SMPD3: variants seen among roughly 807,000 people sequenced by gnomAD.
SMPD3 encodes the protein sphingomyelin phosphodiesterase 3.
Under a neutral mutation model 55.7 loss-of-function variants are expected in SMPD3, and 21 were observed. The observed-to-expected ratio is 0.38, with a 90% CI of 0.27 to 0.54. The LOEUF (loss-of-function observed/expected upper bound fraction) is 0.54. Ranked by LOEUF, SMPD3 falls within the 20% of genes least tolerant of loss-of-function variation. The pLI is 0.80. For missense variants in SMPD3, 842 were observed against 899.6 expected, an observed-to-expected ratio of 0.94 and a Z score of 0.82; for synonymous variants, 457 against 404.3, an observed-to-expected ratio of 1.13 and a Z score of -1.56.
chr16:68,376,977 C>T (rs2089832590), intron 2 of SMPD3, among the ~76,000 whole-genome samples: 1 of 152,212 alleles, frequency 6.6e-6, no homozygotes, highest in Non-Finnish European at 1.5e-5. Context: ...CTACCCGCTC[C>T]TGGTAGGACC....
chr16:68,439,906 G>A (rs1284453721), intron 1 of SMPD3, among the ~76,000 whole-genome samples: 2 of 152,218 alleles, frequency 1.3e-5, no homozygotes, highest in East Asian at 3.8e-4. Context: ...GTAAAGTGCT[G>A]TAAACACCGA....
At chr16:68,407,132 G>C (rs2090261036) in intron 1 of SMPD3, among the ~76,000 whole-genome samples, 1 of 152,122 alleles carries the variant, frequency 6.6e-6, no homozygotes, top group Non-Finnish European at 1.5e-5. Flanking sequence ...GAACATTTGA[G>C]GGCTGTGTCC....
At chr16:68,396,796 T>C (rs1177863863) in intron 1 of SMPD3, among the ~76,000 whole-genome samples, 1 of 152,224 alleles carries the variant, frequency 6.6e-6, no homozygotes, top group African/African-American at 2.4e-5. Flanking sequence ...GGCTACTTTG[T>C]GGTAAAACAA....
Position 68,396,777 on chromosome 16 carries a change from C to A in SMPD3, c.-268-10118G>T, listed in dbSNP as rs533243606. Among the ~76,000 whole-genome samples, 19 of 152,330 alleles carry A rather than the reference C, an allele frequency of 1.2e-4. No homozygotes were observed. The South Asian group carries it at 3.1e-3, about 25-fold the overall frequency. On this transcript the variant is annotated intron_variant, in intron 1 of 8. Transcript: ENST00000219334. ...CTGCTCCCAATTGTTTGAATTATTG[C>A]CTCAATGAGGCTACTTTGTGGTAAA...
chr16:68,403,756 G>A (rs2152013466), intron 1 of SMPD3, among the ~76,000 whole-genome samples: 1 of 152,300 alleles, frequency 6.6e-6, no homozygotes, highest in East Asian at 1.9e-4. Context: ...TTTTACCCCA[G>A]CTCATTTCAA....
rs1423686793 is a variant in SMPD3, at chr16:68,447,031, C to T, written c.-269+1322G>A. ...CTAGAAGCCGGTGCGCTTTGTCTCC[C>T]GCCCCGCTCCTGGCACGTTTCCGTG... is the stretch of plus-strand genomic sequence containing the variant. On this transcript the variant is annotated intron_variant, in intron 1 of 8. Coordinates refer to ENST00000219334, the MANE Select transcript of SMPD3 (RefSeq NM_018667.4). This position sits in a 1 kb window ranked among gnomAD's most constrained non-coding sequence, Gnocchi z 5.1. Among the ~76,000 whole-genome samples the T allele has an allele frequency of 2.0e-5, 3 of 152,048 alleles. No homozygotes were observed. The highest frequency in any genetic ancestry group is 2.9e-5 in the Non-Finnish European group (2 of 67,992).
At chr16:68,373,885 G>A (rs976542703) in intron 2 of SMPD3, among the ~76,000 whole-genome samples, 2 of 152,126 alleles carry the variant, frequency 1.3e-5, no homozygotes, top group African/African-American at 2.4e-5. Flanking sequence ...GTCCCTGCCT[G>A]CCATTCCCCA....
At chr16:68,364,980 C>T in intron 4 of SMPD3, 37 bp downstream of exon 4, 1 of 1,613,872 alleles carries the variant, frequency 6.2e-7, no homozygotes, top group Non-Finnish European at 8.5e-7. Context: ...GCACTGATCC[C>T]ATGCCTAGAA....
chr16:68,401,610 G>C (rs973088059), intron 1 of SMPD3, among the ~76,000 whole-genome samples: 1 of 152,062 alleles, frequency 6.6e-6, no homozygotes, highest in Non-Finnish European at 1.5e-5. Flanking sequence ...TGCCTAAAAG[G>C]TAATTATCTG....
chr16:68,432,272 C>T (rs2090486668), intron 1 of SMPD3, among the ~76,000 whole-genome samples: 2 of 152,186 alleles, frequency 1.3e-5, no homozygotes, highest in African/African-American at 4.8e-5. Context: ...TCCAAAGCCA[C>T]TCTTTCCAGA....
intron 1 of SMPD3, among the ~76,000 whole-genome samples, chr16:68,397,805 C>A (rs1013219580): frequency 6.6e-6 from 1 of 152,204 alleles, no homozygotes; most frequent in African/African-American, 2.4e-5. Context: ...GCCTTCCCCC[C>A]TCCCCTGGTG....
At chr16:68,434,451 T>C (rs1388075509) in intron 1 of SMPD3, among the ~76,000 whole-genome samples, 1 of 152,258 alleles carries the variant, frequency 6.6e-6, no homozygotes, top group Non-Finnish European at 1.5e-5. Context: ...TTGTGCTTTG[T>C]CTGATATAGC....
intron 1 of SMPD3, among the ~76,000 whole-genome samples, chr16:68,434,468 C>T (rs1362251141): frequency 3.3e-5 from 5 of 152,286 alleles, no homozygotes; most frequent in Admixed American, 6.5e-5. Context: ...TAGCCACTCA[C>T]GCTTTTTCTT....
chr16:68,395,641 A>G (rs1447503167), intron 1 of SMPD3, among the ~76,000 whole-genome samples: 1 of 152,188 alleles, frequency 6.6e-6, no homozygotes, highest in Non-Finnish European at 1.5e-5. Flanking sequence ...GGTGACCCTG[A>G]GTGGCAGCTA....
intron 3 of SMPD3, chr16:68,368,745 T>A (rs1356413827): frequency 6.6e-6 from 1 of 151,982 alleles, no homozygotes; most frequent in Non-Finnish European, 1.5e-5. Context: ...AGGGCAGAAA[T>A]GGAAGCTGCA....
At position 68,414,996 on chromosome 16, in the gene SMPD3, C is replaced by T. The variant is rs540060083; in HGVS notation, c.-268-28337G>A. On this transcript the variant is annotated intron_variant, in intron 1 of 8. Coordinates refer to ENST00000219334, the MANE Select transcript of SMPD3 (RefSeq NM_018667.4). ...GTGGATGCTGAGGCCTCATCTGAGACGGAATGGGTGCTGTGGGTTTGGGCA... is the reference window on the plus strand; with the variant it reads ...GTGGATGCTGAGGCCTCATCTGAGATGGAATGGGTGCTGTGGGTTTGGGCA... Among the ~76,000 whole-genome samples the T allele has an allele frequency of 1.4e-3, 216 of 152,136 alleles. 2 individuals carry two copies. Among genetic ancestry groups the T allele is most frequent in the Non-Finnish European group, 2.1e-3 (146 of 67,990 alleles).
intron 1 of SMPD3, among the ~76,000 whole-genome samples, chr16:68,417,881 C>T (rs971198352): frequency 7.2e-5 from 11 of 152,146 alleles, no homozygotes; most frequent in African/African-American, 2.7e-4. Flanking sequence ...CTGCCGGTTA[C>T]CAGCTCTGGG....
At chr16:68,442,460 G>A (rs539224221) in intron 1 of SMPD3, among the ~76,000 whole-genome samples, 3 of 152,274 alleles carry the variant, frequency 2.0e-5, no homozygotes, top group Admixed American at 6.5e-5. Flanking sequence ...CGTGCCCAGC[G>A]CTGTGGCTGA....
chr16:68,371,123 G>A lies in SMPD3; in HGVS notation c.1059C>T (p.Phe353=), dbSNP rs2089651558. Residue 353 remains phenylalanine (F), a synonymous_variant, in exon 3 of 9, where the codon TTC becomes TTT. Transcript: ENST00000219334. ...EAFDHEVSAF[F]PANLDFLCLQ... ...GGCACAGGAAGTCCAGGTTGGCGGG[G>A]AAGAAGGCGGAGACCTCATGGTCGA... 1 of 1,613,880 alleles carries A rather than the reference G, an allele frequency of 6.2e-7. No individual in the cohort carries two copies.
Sources: allele counts gnomAD v4.1 joint callset (sites outside exome capture counted in the v4.1 genomes callset), GRCh38; gene constraint gnomAD v4.1.1; non-coding constraint Gnocchi (gnomAD v3.1); transcripts MANE v1.5; gene names NCBI Gene and HGNC (gene_info 2026-07-23, HGNC 2026-07-21).